MAVS: variants seen among roughly 807,000 people sequenced by gnomAD.
MAVS encodes the protein mitochondrial antiviral signaling protein.
MAVS carries 20 observed loss-of-function variants against 30.2 expected under a neutral mutation model. That is an observed-to-expected ratio of 0.66 (90% CI 0.47 to 0.96). MAVS has a LOEUF of 0.96. MAVS is among the 40% of genes least tolerant of loss of function. The pLI, the probability that MAVS is intolerant of heterozygous loss-of-function variation, is 0.00. For missense variants in MAVS, 624 were observed against 701.1 expected, an observed-to-expected ratio of 0.89 and a Z score of 1.24; for synonymous variants, 278 against 293.9, an observed-to-expected ratio of 0.95 and a Z score of 0.55.
chr20:3,861,743 TTGTGTGTGTGTG>T (rs111361032), intron 4 of MAVS, among the ~76,000 whole-genome samples: 1 of 148,796 alleles, frequency 6.7e-6, no homozygotes, highest in East Asian at 2.0e-4. Context: ...GACCACAGTT[TTGTGTGTGTGTG>T]TGTGTGTGTG....
In MAVS at chr20:3,861,055, C is replaced by T. The variant is rs1371476734; in HGVS notation, c.293-277C>T. Among the ~76,000 whole-genome samples the T allele has an allele frequency of 2.6e-4, 39 of 150,302 alleles. 1 individual carries two copies. Among genetic ancestry groups the T allele is most frequent in the African/African-American group, 9.1e-4 (37 of 40,726 alleles). ...TCGCCCAGGCTGGAGTGCAGTGGCG[C>T]GATCTTGGCTTACTGCAAGCTCCGC... On this transcript the variant is annotated intron_variant, in intron 3 of 6. Transcript: ENST00000428216.
chr20:3,861,752 T>A (rs942443573), intron 4 of MAVS, among the ~76,000 whole-genome samples: 8 of 151,808 alleles, frequency 5.3e-5, no homozygotes, highest in Non-Finnish European at 7.4e-5. Context: ...TTTGTGTGTG[T>A]GTGTGTGTGT....
At chr20:3,850,990 G>C (rs1304483747) in intron 1 of MAVS, among the ~76,000 whole-genome samples, 1 of 151,780 alleles carries the variant, frequency 6.6e-6, no homozygotes, top group African/African-American at 2.4e-5. Flanking sequence ...TTCGAGACCA[G>C]CCTGGCCAAC....
In MAVS at chr20:3,869,943, A is replaced by ATG. The variant is rs2089941493; in HGVS notation, c.*3796_*3797insTG. On this transcript the variant is annotated 3_prime_UTR_variant, in exon 7 of 7. Coordinates refer to ENST00000428216, the MANE Select transcript of MAVS (RefSeq NM_020746.5). ...TCAAATGATGCCGCTCAAAGCCGTG[A>ATG]CTTGGCCTACTTTGAACAGCAAACT... is the stretch of plus-strand genomic sequence containing the variant. 1 of 152,290 alleles carries ATG rather than the reference A, an allele frequency of 6.6e-6. No homozygotes were observed. The highest frequency in any genetic ancestry group is 2.4e-5 in the African/African-American group (1 of 41,448). 9.4% of individuals were successfully genotyped at this position (152,290 alleles called of 1,614,324 possible).
intron 5 of MAVS, 41 bp from the exon 6 acceptor site, chr20:3,864,214 GT>G (rs1419530650): frequency 1.3e-6 from 2 of 1,569,418 alleles, no homozygotes; most frequent in South Asian, 1.2e-5. Context: ...CAAGGTAATG[GT>G]CTTTGGGTCT....
At chr20:3,859,241 C>T (rs1600449706) in intron 3 of MAVS, among the ~76,000 whole-genome samples, 3 of 151,472 alleles carry the variant, frequency 2.0e-5, no homozygotes, top group South Asian at 2.1e-4. Flanking sequence ...GGCACGGTGG[C>T]TCACGCCTGT....
In MAVS at chr20:3,866,384, GC is replaced by G; in HGVS notation, c.*242del. The G allele has an allele frequency of 1.8e-6, 1 of 542,296 alleles. No homozygotes were observed. The highest frequency in any genetic ancestry group is 3.2e-6 in the Non-Finnish European group (1 of 307,740). 33.6% of individuals were successfully genotyped at this position (542,296 alleles called of 1,614,324 possible). ...TCCTTGGCTTTCTGGGTCCTGGGCT[GC>G]CCCCAGTGCTCCAGACCTTCCCCAC... On this transcript the variant is annotated 3_prime_UTR_variant, in exon 7 of 7. Coordinates refer to ENST00000428216, the MANE Select transcript of MAVS (RefSeq NM_020746.5).
intron 2 of MAVS, 82 bp from the exon 3 acceptor site, chr20:3,857,552 TC>T (rs767040934): frequency 2.7e-6 from 4 of 1,460,022 alleles, no homozygotes; most frequent in African/African-American, 3.8e-5. Flanking sequence ...TTGGCACCCC[TC>T]CCCCCGCTGT....
At chr20:3,862,475 A>G in intron 5 of MAVS, 62 bp downstream of exon 5, 1 of 1,510,322 alleles carries the variant, frequency 6.6e-7, no homozygotes. Flanking sequence ...TAAGAATTAG[A>G]GTTGCCCCAT....
chr20:3,853,283 G>C (rs980113235), intron 1 of MAVS, among the ~76,000 whole-genome samples: 6 of 150,268 alleles, frequency 4.0e-5, no homozygotes, highest in Non-Finnish European at 8.9e-5. Flanking sequence ...TCAGTAAATC[G>C]AGACCATCCT....
Position 3,867,373 on chromosome 20 carries a change from A to C in MAVS, c.*1226A>C, listed in dbSNP as rs1476224269. 1 of 262,614 alleles carries C rather than the reference A, an allele frequency of 3.8e-6. No homozygotes were observed. Among genetic ancestry groups the C allele is most frequent in the African/African-American group, 2.2e-5 (1 of 44,934 alleles). 16.3% of individuals were successfully genotyped at this position (262,614 alleles called of 1,614,324 possible). A position where few individuals can be genotyped will look rare whatever the true frequency, so the allele number is the denominator to read the frequency against. On this transcript the variant is annotated 3_prime_UTR_variant, in exon 7 of 7. Transcript: ENST00000428216. ...ATTTACCAAGGGTTGGATATATGTTATTATCACTATTAAGTGTTGAGGGTC... is the reference window on the plus strand; with the variant it reads ...ATTTACCAAGGGTTGGATATATGTTCTTATCACTATTAAGTGTTGAGGGTC...
chr20:3,854,453 T>G, intron 1 of MAVS, 105 bp from the exon 2 acceptor site: 1 of 368,426 alleles, frequency 2.7e-6, no homozygotes. Context: ...AAATTAAAGA[T>G]GAAAGAAAAC....
intron 1 of MAVS, among the ~76,000 whole-genome samples, chr20:3,852,534 A>G (rs190317130): frequency 5.3e-5 from 8 of 152,190 alleles, no homozygotes; most frequent in African/African-American, 1.4e-4. Context: ...AGAGCCAGGA[A>G]GGGAGCCAGG....
Position 3,864,352 on chromosome 20 carries a change from C to G in MAVS, c.722C>G (p.Pro241Arg), listed in dbSNP as rs1477560959. The change falls in exon 6 of 7, where the codon CCT becomes CGT. Residue 241 changes from proline to arginine, a missense_variant. By Grantham distance (103) the Pro-to-Arg change is moderately radical. Transcript: ENST00000428216. Reference sequence around the variant, plus strand: ...TCCACCCCCAGGGCAAGCCGCTTGCCTGGACCCACAGGGTCAGTTGTATCT... The same window carrying G: ...TCCACCCCCAGGGCAAGCCGCTTGCGTGGACCCACAGGGTCAGTTGTATCT... ...ARSTPRASRL[P>R]GPTGSVVSTG... 6.2e-7 allele frequency: 1 copy of G among 1,614,076 alleles called. No homozygotes were observed. Among genetic ancestry groups the G allele is most frequent in the East Asian group, 2.2e-5 (1 of 44,880 alleles).
intron 1 of MAVS, among the ~76,000 whole-genome samples, chr20:3,853,432 GCCGAGATCGCGCCAC>G (rs2089781118): frequency 1.3e-5 from 2 of 150,764 alleles, no homozygotes; most frequent in Admixed American, 1.3e-4. Flanking sequence ...CTTGCAGTGA[GCCGAGATCGCGCCAC>G]CGCACTCCAG....
chr20:3,860,072 C>T (rs1001596345), intron 3 of MAVS, among the ~76,000 whole-genome samples: 10 of 152,294 alleles, frequency 6.6e-5, no homozygotes, highest in Middle Eastern at 6.8e-3. Flanking sequence ...CCGCCTCGGC[C>T]TCCCAAAGTG....
intron 1 of MAVS, among the ~76,000 whole-genome samples, chr20:3,852,657 A>G (rs2089771254): frequency 6.6e-6 from 1 of 151,918 alleles, no homozygotes; most frequent in Admixed American, 6.6e-5. Context: ...AATGGGCCCT[A>G]GGTATTCTGG....
rs1406862493 is a variant in MAVS at position 3,872,033 on chromosome 20, A to C, written c.*5886A>C. ...TGGTTTGCAAGATTAGGAGGGATGAAGGACCCAGGGGACAATGCGAGGGAA... is the reference window on the plus strand; with the variant it reads ...TGGTTTGCAAGATTAGGAGGGATGACGGACCCAGGGGACAATGCGAGGGAA... On this transcript the variant is annotated 3_prime_UTR_variant, in exon 7 of 7. Transcript: ENST00000428216. The C allele has an allele frequency of 1.3e-5, 2 of 152,364 alleles. No individual in the cohort carries two copies. The highest frequency in any genetic ancestry group is 4.8e-5 in the African/African-American group (2 of 41,448). The allele number at this position is 152,364 out of a possible 1,614,324, so 9.4% of individuals were successfully genotyped here.
Position 3,866,105 on chromosome 20 carries a change from A to T in MAVS, c.1581A>T (p.Val527=). 6.2e-7 allele frequency: 1 copy of T among 1,608,124 alleles called. No homozygotes were observed. The change falls in exon 7 of 7, where the codon GTA becomes GTT. Residue 527 remains valine, a synonymous_variant. Coordinates refer to ENST00000428216, the MANE Select transcript of MAVS (RefSeq NM_020746.5). ...WLQVAVTGVL[V]VTLLVVLYRR... ...AGGTGGCTGTGACAGGGGTGCTGGT[A>T]GTCACACTCCTGGTGGTGCTGTACC...
Sources: allele counts gnomAD v4.1 joint callset (sites outside exome capture counted in the v4.1 genomes callset), GRCh38; gene constraint gnomAD v4.1.1; transcripts MANE v1.5; gene names NCBI Gene and HGNC (gene_info 2026-07-23, HGNC 2026-07-21).